Variants in PARD3 observed in about 807,000 individuals in gnomAD.
The protein encoded by PARD3 is partitioning defective 3 homolog.
Under a neutral mutation model 155.4 loss-of-function variants are expected in PARD3, and 75 were observed. The ratio of observed to expected loss-of-function variants is 0.48; its 90% CI spans 0.40 to 0.58. PARD3 has a LOEUF of 0.58. PARD3 is among the 20% of genes least tolerant of loss of function. The probability of loss-of-function intolerance (pLI) is 0.00; values close to 1 mark genes in which losing one functional copy is unlikely to be tolerated. For synonymous variants in PARD3, 576 were observed against 610.5 expected (o/e 0.94, Z 0.83); for missense variants, 1,642 against 1,721.7 (o/e 0.95, Z 0.82).
chr10:34,658,507 G>A (rs1173294641), intron 2 of PARD3, among the ~76,000 whole-genome samples: 1 of 152,046 alleles, frequency 6.6e-6, no homozygotes, highest in Non-Finnish European at 1.5e-5. Flanking sequence ...CCCACCCTCC[G>A]AGGAGAAGAT....
intron 3 of PARD3, among the ~76,000 whole-genome samples, chr10:34,509,826 A>G (rs1404755821): frequency 6.6e-6 from 1 of 152,186 alleles, no homozygotes; most frequent in Admixed American, 6.5e-5. Flanking sequence ...ACCTGTCCTG[A>G]ATCTTACAAT....
chr10:34,431,740 CAAAAAAAAAAAAA>C (rs57001926), intron 5 of PARD3, among the ~76,000 whole-genome samples: 5 of 25,180 alleles, frequency 2.0e-4, no homozygotes, highest in Admixed American at 9.2e-4. Flanking sequence ...AACTCTGTCT[CAAAAAAAAAAAAA>C]AAAAAAAAAA....
intron 2 of PARD3, among the ~76,000 whole-genome samples, chr10:34,606,212 A>T (rs2090420874): frequency 8.8e-6 from 1 of 114,094 alleles, no homozygotes; most frequent in Non-Finnish European, 1.9e-5. Context: ...GTGTGTGTGT[A>T]GTTCTGTCCC....
At chr10:34,279,104 C>T (rs1765174) in intron 21 of PARD3, among the ~76,000 whole-genome samples, 83,567 of 147,668 alleles carry the variant, frequency 0.57, 23,958 homozygotes, top group Middle Eastern at 0.64. Flanking sequence ...GTATGCCTAA[C>T]GCTTAATTTT....
At chr10:34,370,805 GGGGTGT>G (rs1277657436) in intron 12 of PARD3, among the ~76,000 whole-genome samples, 1 of 103,822 alleles carries the variant, frequency 9.6e-6, no homozygotes, top group East Asian at 3.3e-4. Flanking sequence ...AGATACAAAT[GGGGTGT>G]GTGTGTGTGT....
chr10:34,489,343 T>A (rs1437409109), intron 3 of PARD3, among the ~76,000 whole-genome samples: 1 of 152,132 alleles, frequency 6.6e-6, no homozygotes, highest in Non-Finnish European at 1.5e-5. Context: ...GAACACAGAC[T>A]ACGCCACGAA....
intron 22 of PARD3, among the ~76,000 whole-genome samples, chr10:34,260,029 G>A (rs539689508): frequency 3.9e-5 from 6 of 152,218 alleles, no homozygotes; most frequent in African/African-American, 1.2e-4. Context: ...TTGTAGAGAC[G>A]GGGTCTCACT....
chr10:34,663,240 G>T (rs1215941412), intron 2 of PARD3, among the ~76,000 whole-genome samples: 1 of 152,134 alleles, frequency 6.6e-6, no homozygotes, highest in Non-Finnish European at 1.5e-5. Context: ...AGGGCGGGTA[G>T]ATTGCCTGAG....
At chr10:34,625,845 A>G (rs2091954946) in intron 2 of PARD3, among the ~76,000 whole-genome samples, 1 of 151,964 alleles carries the variant, frequency 6.6e-6, no homozygotes, top group Non-Finnish European at 1.5e-5. Context: ...GGGGAAGCGG[A>G]GATTGAGGTG....
At chr10:34,345,957 C>T in intron 15 of PARD3, 1 of 982,466 alleles carries the variant, frequency 1.0e-6, no homozygotes, top group South Asian at 4.7e-5. Flanking sequence ...TATTTAGAAT[C>T]CCTAGTTTCC....
chr10:34,720,154 C>T (rs113043913), intron 1 of PARD3, among the ~76,000 whole-genome samples: 5 of 152,168 alleles, frequency 3.3e-5, no homozygotes, highest in Non-Finnish European at 5.9e-5. Context: ...AATTTGCAAA[C>T]GGGCACGGCG....
chr10:34,599,757 C>T (rs751025618), intron 2 of PARD3, among the ~76,000 whole-genome samples: 6 of 152,188 alleles, frequency 3.9e-5, no homozygotes, highest in Non-Finnish European at 8.8e-5. Flanking sequence ...CCACATTCAA[C>T]CTGAGGTCTA....
At chr10:34,429,608 C>T (rs867679117) in intron 5 of PARD3, among the ~76,000 whole-genome samples, 5 of 146,624 alleles carry the variant, frequency 3.4e-5, no homozygotes, top group Admixed American at 6.7e-5. Flanking sequence ...TGTTTTAAAA[C>T]GGAGTCTTGC....
At chr10:34,278,110 A>C (rs1955975263) in intron 21 of PARD3, among the ~76,000 whole-genome samples, 1 of 151,890 alleles carries the variant, frequency 6.6e-6, no homozygotes, top group Non-Finnish European at 1.5e-5. Context: ...GCAGTAGTAT[A>C]ATCATAGCTC....
At chr10:34,418,609 A>T (rs906684627) in intron 5 of PARD3, among the ~76,000 whole-genome samples, 3 of 152,220 alleles carry the variant, frequency 2.0e-5, no homozygotes, top group African/African-American at 7.2e-5. Flanking sequence ...ATGATTATTA[A>T]TCTTTAGAAA....
In PARD3 at chr10:34,320,037, T is replaced by C. The variant is rs1050856885; in HGVS notation, c.2834-2699A>G. 1.7e-4 allele frequency among the ~76,000 whole-genome samples: 26 copies of C among 152,240 alleles called. 1 individual carries two copies. The highest frequency in any genetic ancestry group is 1.7e-3 in the Admixed American group (26 of 15,284). ...TTTTATTATTGCACTTCTCATATGA[T>C]ATCACATACATGTCTCCCTCCCATT... On this transcript the variant is annotated intron_variant, in intron 19 of 24. Coordinates refer to ENST00000374788, the MANE Select transcript of PARD3 (RefSeq NM_001184785.2).
At chr10:34,786,570 T>G (rs557729653) in intron 1 of PARD3, among the ~76,000 whole-genome samples, 1 of 152,148 alleles carries the variant, frequency 6.6e-6, no homozygotes, top group Non-Finnish European at 1.5e-5. Context: ...ATTTTATGAA[T>G]GGCAAATGCA....
intron 1 of PARD3, among the ~76,000 whole-genome samples, chr10:34,720,627 G>A (rs2094590653): frequency 6.6e-6 from 1 of 151,834 alleles, no homozygotes; most frequent in African/African-American, 2.4e-5. Context: ...GAGAAATCTT[G>A]TCTCTACTAA....
At chr10:34,756,303 G>T (rs898203590) in intron 1 of PARD3, among the ~76,000 whole-genome samples, 1 of 149,042 alleles carries the variant, frequency 6.7e-6, no homozygotes. Flanking sequence ...ACAGGCACCC[G>T]CCACCACACC....
Sources: allele counts gnomAD v4.1 joint callset (sites outside exome capture counted in the v4.1 genomes callset), GRCh38; gene constraint gnomAD v4.1.1; transcripts MANE v1.5; gene names NCBI Gene and HGNC (gene_info 2026-07-23, HGNC 2026-07-21).